The following RIGI variants were observed in gnomAD, a reference collection of about 807,000 sequenced individuals.
RIGI encodes the protein RNA sensor RIG-I.
the RIGI span, among the ~76,000 whole-genome samples, chr9:32,457,599 T>C: frequency 6.6e-6 from 1 of 151,390 alleles, no homozygotes; most frequent in South Asian, 2.1e-4. Context: ...AGAGGATCCA[T>C]GCACCTGACT....
the RIGI span, among the ~76,000 whole-genome samples, chr9:32,498,100 C>A: frequency 6.6e-6 from 1 of 152,176 alleles, no homozygotes; most frequent in Non-Finnish European, 1.5e-5. Flanking sequence ...CTCCCTTTAG[C>A]AGTTTCAACA....
At chr9:32,492,295 G>GGGGAAAA in the RIGI span, 1 of 1,343,004 alleles carries the variant, frequency 7.4e-7, no homozygotes, top group South Asian at 1.4e-5. Flanking sequence ...TGTAGCTCTG[G>GGGGAAAA]CTATCTGAGG....
the RIGI span, chr9:32,487,481 C>T: frequency 3.7e-5 from 60 of 1,613,954 alleles, no homozygotes; most frequent in Non-Finnish European, 4.8e-5. Context: ...ACTTCTGGGG[C>T]TTATAAACAA....
At chr9:32,462,641 T>C in the RIGI span, among the ~76,000 whole-genome samples, 1 of 151,956 alleles carries the variant, frequency 6.6e-6, no homozygotes, top group Admixed American at 6.6e-5. Context: ...ACTCCTGACC[T>C]CAGGTTATCC....
the RIGI span, among the ~76,000 whole-genome samples, chr9:32,467,557 G>A: frequency 6.6e-6 from 1 of 152,166 alleles, no homozygotes; most frequent in African/African-American, 2.4e-5. Context: ...AGGCAAGTGA[G>A]CAGCATCATT....
the RIGI span, chr9:32,487,385 A>C: frequency 1.5e-6 from 2 of 1,299,974 alleles, no homozygotes; most frequent in Non-Finnish European, 2.2e-6. Context: ...GAGAGGGTCA[A>C]AGTTCAGTAT....
chr9:32,487,026 A>T, the RIGI span, among the ~76,000 whole-genome samples: 2 of 152,044 alleles, frequency 1.3e-5, no homozygotes, highest in Non-Finnish European at 2.9e-5. Flanking sequence ...TAGTCATATT[A>T]AAAAATCATA....
the RIGI span, among the ~76,000 whole-genome samples, chr9:32,464,758 A>G: frequency 6.6e-6 from 1 of 152,284 alleles, no homozygotes; most frequent in Admixed American, 6.5e-5. Context: ...CAGGGATACC[A>G]ACACAACTCA....
At chr9:32,491,704 C>A in the RIGI span, among the ~76,000 whole-genome samples, 2 of 108,154 alleles carry the variant, frequency 1.8e-5, no homozygotes, top group East Asian at 2.8e-4. Context: ...CGGAGGGATT[C>A]GTATGCACCA....
chr9:32,492,942 A>G, the RIGI span, among the ~76,000 whole-genome samples: 1 of 152,230 alleles, frequency 6.6e-6, no homozygotes, highest in Non-Finnish European at 1.5e-5. Flanking sequence ...TTTACTAACC[A>G]TAATAACTAA....
At chr9:32,493,290 CA>C in the RIGI span, among the ~76,000 whole-genome samples, 1 of 152,010 alleles carries the variant, frequency 6.6e-6, no homozygotes, top group Admixed American at 6.6e-5. Context: ...GGGCAAACTT[CA>C]AAAAAACTTT....
At chr9:32,504,069 C>CACACACA in the RIGI span, among the ~76,000 whole-genome samples, 3 of 48,810 alleles carry the variant, frequency 6.1e-5, no homozygotes, top group Admixed American at 1.6e-4. Flanking sequence ...ACACACACAC[C>CACACACA]CAGGTCTGCC....
chr9:32,525,334 G>C, the RIGI span, among the ~76,000 whole-genome samples: 1 of 152,144 alleles, frequency 6.6e-6, no homozygotes, highest in Non-Finnish European at 1.5e-5. Context: ...CAACAGCATC[G>C]GGTGCTCTAC....
At chr9:32,488,205 T>C in the RIGI span, 4 of 1,612,238 alleles carry the variant, frequency 2.5e-6, no homozygotes, top group South Asian at 1.1e-5. Context: ...ACTCTATACC[T>C]GGGAAATGAC....
At chr9:32,502,779 T>C in the RIGI span, among the ~76,000 whole-genome samples, 2 of 152,334 alleles carry the variant, frequency 1.3e-5, no homozygotes, top group East Asian at 3.9e-4. Context: ...TCTGTTTCTC[T>C]GGCTTGTGGC....
chr9:32,479,674 T>C, the RIGI span, among the ~76,000 whole-genome samples: 1 of 151,962 alleles, frequency 6.6e-6, no homozygotes, highest in South Asian at 2.1e-4. Flanking sequence ...CCATCTCTAC[T>C]AAAAATACAA....
chr9:32,517,990 T>C, the RIGI span, among the ~76,000 whole-genome samples: 1 of 152,154 alleles, frequency 6.6e-6, no homozygotes, highest in Admixed American at 6.5e-5. Flanking sequence ...TTTCTAAAAA[T>C]TGTGGAATGG....
chr9:32,504,038 A>ACACACACACACACACACACACACAC, the RIGI span, among the ~76,000 whole-genome samples: 2 of 135,666 alleles, frequency 1.5e-5, no homozygotes, highest in African/African-American at 5.6e-5. Context: ...CAAGACTCCA[A>ACACACACACACACACACACACACAC]ACACACACAC....
chr9:32,488,265 A>G, the RIGI span: 1 of 1,540,582 alleles, frequency 6.5e-7, no homozygotes, highest in Non-Finnish European at 8.9e-7. Flanking sequence ...CACAAAGATG[A>G]AATGCTAGAT....
Sources: allele counts gnomAD v4.1 joint callset (sites outside exome capture counted in the v4.1 genomes callset), GRCh38; gene constraint gnomAD v4.1.1; transcripts MANE v1.5; gene names NCBI Gene and HGNC (gene_info 2026-07-23, HGNC 2026-07-21).